MAP4K4: variants seen among roughly 807,000 people sequenced by gnomAD.
MAP4K4 encodes mitogen-activated protein kinase kinase kinase kinase 4.
In MAP4K4, 38 loss-of-function variants were observed where a neutral mutation model predicts 189.6. That is an observed-to-expected ratio of 0.20 (90% CI 0.15 to 0.26). The LOEUF is 0.26. MAP4K4 is among the 10% of genes least tolerant of loss of function. The pLI, the probability that MAP4K4 is intolerant of heterozygous loss-of-function variation, is 1.00. For missense variants in MAP4K4, 1,054 were observed against 1,726.9 expected, an observed-to-expected ratio of 0.61 and a Z score of 6.91; for synonymous variants, 610 against 624.3, an observed-to-expected ratio of 0.98 and a Z score of 0.34.
intron 24 of MAP4K4, among the ~76,000 whole-genome samples, chr2:101,872,695 G>C (rs115231704): frequency 0.021 from 3,199 of 152,206 alleles, 95 homozygotes; most frequent in African/African-American, 0.072. Flanking sequence ...GCTGCCAGGG[G>C]ACAGATGTTC....
intron 2 of MAP4K4, among the ~76,000 whole-genome samples, chr2:101,731,906 T>G (rs1345988251): frequency 6.6e-6 from 1 of 152,220 alleles, no homozygotes; most frequent in Non-Finnish European, 1.5e-5. Flanking sequence ...TTTTGGTTAG[T>G]GGATACGTTT....
chr2:101,844,746 GT>G (rs894405408), intron 12 of MAP4K4, among the ~76,000 whole-genome samples: 9 of 148,210 alleles, frequency 6.1e-5, no homozygotes, highest in Non-Finnish European at 9.0e-5. Context: ...TCACATGAAA[GT>G]TTTTTTTTTT....
chr2:101,703,879 C>T (rs904650889), intron 2 of MAP4K4, among the ~76,000 whole-genome samples: 2 of 151,798 alleles, frequency 1.3e-5, no homozygotes, highest in Non-Finnish European at 2.9e-5. Flanking sequence ...GGCGTGGTGG[C>T]GCGTGCCTCT....
chr2:101,804,619 T>A (rs374431618), intron 3 of MAP4K4, among the ~76,000 whole-genome samples: 8 of 152,144 alleles, frequency 5.3e-5, no homozygotes, highest in African/African-American at 1.9e-4. Flanking sequence ...GTCTAGACAT[T>A]CCCAGACACT....
intron 2 of MAP4K4, among the ~76,000 whole-genome samples, chr2:101,722,697 C>T (rs1282428664): frequency 1.3e-5 from 2 of 152,130 alleles, no homozygotes; most frequent in East Asian, 3.9e-4. Flanking sequence ...TTATATGTAA[C>T]TTTACTAGAG....
At chr2:101,889,942 A>G (rs906099212) in intron 32 of MAP4K4, among the ~76,000 whole-genome samples, 1 of 152,148 alleles carries the variant, frequency 6.6e-6, no homozygotes, top group Non-Finnish European at 1.5e-5. Context: ...AGTTTTGCCT[A>G]CAGATTATCT....
chr2:101,754,154 T>A (rs182976223), intron 2 of MAP4K4, among the ~76,000 whole-genome samples: 4 of 152,308 alleles, frequency 2.6e-5, no homozygotes, highest in African/African-American at 9.6e-5. Context: ...TTATATTATA[T>A]GTGAATGTGA....
chr2:101,822,183 CAT>C (rs1044122241), intron 3 of MAP4K4, among the ~76,000 whole-genome samples: 3 of 152,172 alleles, frequency 2.0e-5, no homozygotes, highest in African/African-American at 7.2e-5. Flanking sequence ...AAACCACTAA[CAT>C]AGTCATTTAT....
At chr2:101,742,463 G>A (rs918852232) in intron 2 of MAP4K4, among the ~76,000 whole-genome samples, 1 of 152,068 alleles carries the variant, frequency 6.6e-6, no homozygotes, top group Admixed American at 6.6e-5. Flanking sequence ...CCCTTAGCTT[G>A]CTTCTCTCTC....
In MAP4K4 at chr2:101,797,897, T is replaced by G. The variant is rs1397591774; in HGVS notation, c.180+7121T>G. ...TTTAAAACATTCTTTTAGTTTTTTT[T>G]TTTTTTTTTTTTTGGAGACCAAGGT... On this transcript the variant is annotated intron_variant, in intron 3 of 32. Transcript: ENST00000324219. Among the ~76,000 whole-genome samples, 208 of 127,468 alleles carry G rather than the reference T, an allele frequency of 1.6e-3. 18 individuals carry two copies. Among genetic ancestry groups the G allele is most frequent in the South Asian group, 6.3e-3 (22 of 3,514 alleles). The allele number at this position is 127,468 out of a possible 152,430, so 83.6% of individuals were successfully genotyped here.
intron 3 of MAP4K4, among the ~76,000 whole-genome samples, chr2:101,801,045 A>G (rs2094317680): frequency 6.6e-6 from 1 of 151,970 alleles, no homozygotes; most frequent in Non-Finnish European, 1.5e-5. Flanking sequence ...TTTTAAAAAA[A>G]TGGATACTGT....
intron 10 of MAP4K4, among the ~76,000 whole-genome samples, chr2:101,840,992 A>G (rs7560199): frequency 0.034 from 5,123 of 152,282 alleles, 294 homozygotes; most frequent in African/African-American, 0.11. Context: ...CCTTAACTCA[A>G]TTGACATGGA....
At chr2:101,852,188 A>T (rs1391808139) in intron 12 of MAP4K4, among the ~76,000 whole-genome samples, 2 of 151,614 alleles carry the variant, frequency 1.3e-5, no homozygotes, top group African/African-American at 4.8e-5. Context: ...AGTAATAATT[A>T]AATCTCAAGA....
chr2:101,813,440 G>C (rs1186897275), intron 3 of MAP4K4, among the ~76,000 whole-genome samples: 1 of 152,158 alleles, frequency 6.6e-6, no homozygotes, highest in Admixed American at 6.5e-5. Context: ...GGACACAGTT[G>C]AGCAGTGCCA....
intron 2 of MAP4K4, among the ~76,000 whole-genome samples, chr2:101,744,518 A>G (rs1477739645): frequency 6.6e-6 from 1 of 151,998 alleles, no homozygotes; most frequent in African/African-American, 2.4e-5. Flanking sequence ...ACTGAATTCT[A>G]GATGTTAGAT....
At chr2:101,716,283 A>T (rs1227779742) in intron 2 of MAP4K4, among the ~76,000 whole-genome samples, 1 of 152,146 alleles carries the variant, frequency 6.6e-6, no homozygotes, top group African/African-American at 2.4e-5. Flanking sequence ...CTCTACTAAA[A>T]ATACAAAAAA....
intron 9 of MAP4K4, among the ~76,000 whole-genome samples, chr2:101,836,947 G>T (rs1472366555): frequency 2.0e-5 from 3 of 151,974 alleles, no homozygotes; most frequent in Non-Finnish European, 4.4e-5. Flanking sequence ...GTTCTCCTGA[G>T]AATTTTGCCC....
chr2:101,700,711 T>C (rs1463698646), intron 2 of MAP4K4, among the ~76,000 whole-genome samples: 1 of 152,156 alleles, frequency 6.6e-6, no homozygotes, highest in Middle Eastern at 3.2e-3. Context: ...ATTGTTGTTA[T>C]CACACTTAGA....
intron 3 of MAP4K4, among the ~76,000 whole-genome samples, chr2:101,808,774 T>C (rs2095212824): frequency 6.6e-6 from 1 of 152,110 alleles, no homozygotes; most frequent in Non-Finnish European, 1.5e-5. Context: ...TGTTAAAGCA[T>C]TAATGTATAT....
Sources: allele counts gnomAD v4.1 joint callset (sites outside exome capture counted in the v4.1 genomes callset), GRCh38; gene constraint gnomAD v4.1.1; transcripts MANE v1.5; gene names NCBI Gene and HGNC (gene_info 2026-07-23, HGNC 2026-07-21).